The following CRPPA variants were observed in gnomAD, a reference collection of about 807,000 sequenced individuals.
The protein encoded by CRPPA is D-ribitol-5-phosphate cytidylyltransferase.
In CRPPA, 43 loss-of-function variants were observed where a neutral mutation model predicts 52.0. That is an observed-to-expected ratio of 0.83 (90% CI 0.65 to 1.07). The LOEUF (loss-of-function observed/expected upper bound fraction) is 1.07. Among genes scored for constraint, CRPPA ranks in the 50% least tolerant of loss-of-function variants. CRPPA has a pLI of 0.00. For synonymous variants in CRPPA, 250 were observed against 203.5 expected, an observed-to-expected ratio of 1.23 and a Z score of -1.94; for missense variants, 629 against 551.7, an observed-to-expected ratio of 1.14 and a Z score of -1.40.
At chr7:16,114,613 A>G (rs1482476140) in intron 9 of CRPPA, among the ~76,000 whole-genome samples, 2 of 152,050 alleles carry the variant, frequency 1.3e-5, no homozygotes, top group Non-Finnish European at 2.9e-5. Context: ...ACTTAAAATT[A>G]TGCTTGATTT....
In CRPPA at chr7:16,223,906, C is replaced by G. The variant is rs187884155; in HGVS notation, c.1120-7709G>C. Among the ~76,000 whole-genome samples the G allele has an allele frequency of 1.1e-4, 17 of 152,106 alleles. No homozygotes were observed. In the East Asian group the frequency reaches 3.1e-3, roughly 28 times the overall value. Reference sequence around the variant, plus strand: ...TTTTTTTTTGTCTTTTTGTACCATTCACTAATTCACTAAATAGAATTACAG... The same window carrying G: ...TTTTTTTTTGTCTTTTTGTACCATTGACTAATTCACTAAATAGAATTACAG... On this transcript the variant is annotated intron_variant, in intron 8 of 9. Transcript: ENST00000407010.
At chr7:16,222,793 T>G (rs887417679) in intron 8 of CRPPA, among the ~76,000 whole-genome samples, 7 of 152,170 alleles carry the variant, frequency 4.6e-5, no homozygotes, top group Admixed American at 3.3e-4. Context: ...TGATCATTTT[T>G]AAAACATTTT....
In CRPPA at chr7:16,257,623, C is replaced by G. The variant is rs1161085961; in HGVS notation, c.1119+767G>C. Among the ~76,000 whole-genome samples the G allele has an allele frequency of 2.0e-5, 3 of 152,102 alleles. No homozygotes were observed. In the East Asian group the frequency reaches 5.8e-4, roughly 29 times the overall value. On this transcript the variant is annotated intron_variant, in intron 8 of 9. Transcript: ENST00000407010. ...ATTCTTTATTACTAATCCTACCTGACAAGAATTAAATTCCCACAGTATGGG... is the reference window on the plus strand; with the variant it reads ...ATTCTTTATTACTAATCCTACCTGAGAAGAATTAAATTCCCACAGTATGGG...
intron 9 of CRPPA, among the ~76,000 whole-genome samples, chr7:16,138,173 T>A (rs543071417): frequency 2.0e-5 from 3 of 152,218 alleles, no homozygotes; most frequent in African/African-American, 7.2e-5. Context: ...TAGCTAAAGA[T>A]ATTTATGTGA....
chr7:16,221,791 A>C (rs1038918563), intron 8 of CRPPA, among the ~76,000 whole-genome samples: 2 of 150,574 alleles, frequency 1.3e-5, no homozygotes, highest in African/African-American at 2.4e-5. Context: ...AAAAGTCAGG[A>C]AACAACAGGT....
chr7:16,253,967 G>GC (rs1783536596), intron 8 of CRPPA, among the ~76,000 whole-genome samples: 1 of 152,128 alleles, frequency 6.6e-6, no homozygotes, highest in African/African-American at 2.4e-5. Context: ...TATTTATGCA[G>GC]CCAACAGACA....
intron 4 of CRPPA, among the ~76,000 whole-genome samples, 152 bp from the exon 5 acceptor site, chr7:16,301,618 C>T (rs952060004): frequency 2.0e-5 from 3 of 152,162 alleles, no homozygotes; most frequent in African/African-American, 7.2e-5. Context: ...AGCAAATTCA[C>T]ATAAAATATA....
intron 2 of CRPPA, among the ~76,000 whole-genome samples, chr7:16,378,225 G>T (rs1463235239): frequency 6.7e-6 from 1 of 149,948 alleles, no homozygotes; most frequent in Non-Finnish European, 1.5e-5. Flanking sequence ...TTGTTATTTA[G>T]CATTAGGTAT....
At chr7:16,182,854 C>T (rs781609866) in intron 9 of CRPPA, among the ~76,000 whole-genome samples, 1 of 152,164 alleles carries the variant, frequency 6.6e-6, no homozygotes, top group Non-Finnish European at 1.5e-5. Context: ...AGTGTACCCT[C>T]ATAGAATGCG....
At chr7:16,115,901 CAT>C (rs1216259682) in intron 9 of CRPPA, among the ~76,000 whole-genome samples, 1 of 152,032 alleles carries the variant, frequency 6.6e-6, no homozygotes, top group Non-Finnish European at 1.5e-5. Context: ...AGCAGAAAGA[CAT>C]AGATGGCACA....
intron 8 of CRPPA, among the ~76,000 whole-genome samples, chr7:16,232,432 C>T (rs1386587446): frequency 1.1e-4 from 16 of 152,156 alleles, no homozygotes. Flanking sequence ...GCCATGTGCA[C>T]TTGTTCTCAC....
At chr7:16,201,334 T>A (rs918140783) in intron 9 of CRPPA, among the ~76,000 whole-genome samples, 1 of 152,080 alleles carries the variant, frequency 6.6e-6, no homozygotes, top group Non-Finnish European at 1.5e-5. Flanking sequence ...CAGTTACAGA[T>A]AGAATTCATA....
At position 16,258,399 on chromosome 7, in the gene CRPPA, A is replaced by T. The variant is rs778790156; in HGVS notation, c.1110T>A (p.Val370=). 6.3e-7 allele frequency: 1 copy of T among 1,594,622 alleles called. No homozygotes were observed. Among genetic ancestry groups the T allele is most frequent in the Admixed American group, 1.7e-5 (1 of 57,926 alleles). The change falls in exon 8 of 10, where the codon GTT becomes GTA. Residue 370 remains valine, a synonymous_variant. Coordinates refer to ENST00000407010, the MANE Select transcript of CRPPA (RefSeq NM_001101426.4). Reference sequence around the variant, plus strand: ...CATTAATTTCACTTACTGAAACAACAACAACAGGATATAAAATGCAAAGAC... The same window carrying T: ...CATTAATTTCACTTACTGAAACAACTACAACAGGATATAAAATGCAAAGAC... The part of the protein sequence containing the change: ...ESSLCILYPV[V]VVSVHFLDFK...
At chr7:16,113,843 GA>G (rs974550887) in intron 9 of CRPPA, among the ~76,000 whole-genome samples, 1 of 151,870 alleles carries the variant, frequency 6.6e-6, no homozygotes, top group African/African-American at 2.4e-5. Context: ...CACATGGAAG[GA>G]AAATAATCTC....
intron 3 of CRPPA, among the ~76,000 whole-genome samples, chr7:16,320,983 A>C (rs957428698): frequency 6.6e-6 from 1 of 152,132 alleles, no homozygotes; most frequent in African/African-American, 2.4e-5. Context: ...TTTGAGTAAA[A>C]TTATTTAAAT....
At chr7:16,353,559 T>G (rs948187300) in intron 3 of CRPPA, among the ~76,000 whole-genome samples, 1 of 152,158 alleles carries the variant, frequency 6.6e-6, no homozygotes, top group Non-Finnish European at 1.5e-5. Context: ...AATTTTAATT[T>G]AATTTGTTGG....
At chr7:16,334,389 G>A (rs1356852208) in intron 3 of CRPPA, among the ~76,000 whole-genome samples, 1 of 152,144 alleles carries the variant, frequency 6.6e-6, no homozygotes, top group African/African-American at 2.4e-5. Flanking sequence ...TACCCATAGA[G>A]GGAGAATCTG....
intron 2 of CRPPA, among the ~76,000 whole-genome samples, chr7:16,397,458 G>A (rs190749177): frequency 3.9e-5 from 6 of 152,300 alleles, no homozygotes; most frequent in South Asian, 4.1e-4. Flanking sequence ...GACGTGACAC[G>A]TGACATGTGA....
chr7:16,263,912 G>C (rs974537245), intron 6 of CRPPA, among the ~76,000 whole-genome samples: 79 of 152,156 alleles, frequency 5.2e-4, no homozygotes, highest in African/African-American at 1.8e-3. Context: ...CATAAACTAA[G>C]ACAGAAATGC....
Sources: allele counts gnomAD v4.1 joint callset (sites outside exome capture counted in the v4.1 genomes callset), GRCh38; gene constraint gnomAD v4.1.1; transcripts MANE v1.5; gene names NCBI Gene and HGNC (gene_info 2026-07-23, HGNC 2026-07-21).